ASB18: variants seen among roughly 807,000 people sequenced by gnomAD.
ASB18 encodes ankyrin repeat and SOCS box protein 18.
In ASB18, 33 loss-of-function variants were observed where a neutral mutation model predicts 33.4. The ratio of observed to expected loss-of-function variants is 0.99; its 90% CI spans 0.75 to 1.32. The LOEUF (loss-of-function observed/expected upper bound fraction) is 1.32, where lower values mean the gene tolerates loss of function less well. Ranked by LOEUF, ASB18 falls within the 40% of genes most tolerant of loss-of-function variation. The pLI is 0.00. For synonymous variants in ASB18, 295 were observed against 307.6 expected (o/e 0.96, Z 0.43); for missense variants, 694 against 655.5 (o/e 1.06, Z -0.64).
rs754603481 is a variant in ASB18, at chr2:236,251,560, G to A, written c.206-10158C>T. Among the ~76,000 whole-genome samples, 17 of 152,116 alleles carry A rather than the reference G, an allele frequency of 1.1e-4. No individual in the cohort carries two copies. The highest frequency in any genetic ancestry group is 1.9e-4 in the Non-Finnish European group (13 of 68,032). On this transcript the variant is annotated intron_variant, in intron 1 of 5. Transcript: ENST00000409749. This position sits in a 1 kb window ranked among gnomAD's most constrained non-coding sequence, Gnocchi z 5.3. ...GATCCTTTATATCCCTTCTAGAAAC[G>A]AGAAGTTTACCTATCCTGAAGTTGA...
At position 236,195,576 on chromosome 2, in the gene ASB18, C is replaced by T. The variant is rs1204433756; in HGVS notation, c.1216-519G>A. On this transcript the variant is annotated intron_variant, in intron 5 of 5. Transcript: ENST00000409749. The surrounding 1 kb of genome is among the most constrained non-coding windows in gnomAD (Gnocchi z 5.5). Reference sequence around the variant, plus strand: ...TGTCACCCAGGCTGGAGTGCAGTGGCGTGATCCCAGCTTATTGCACTCTCT... The same window carrying T: ...TGTCACCCAGGCTGGAGTGCAGTGGTGTGATCCCAGCTTATTGCACTCTCT... Among the ~76,000 whole-genome samples, 2 of 151,278 alleles carry T rather than the reference C, an allele frequency of 1.3e-5. No individual in the cohort carries two copies. The highest frequency in any genetic ancestry group is 2.4e-5 in the African/African-American group (1 of 41,102).
chr2:236,263,708 T>C lies in ASB18; in HGVS notation c.205+433A>G, dbSNP rs1253371028. Among the ~76,000 whole-genome samples, 1 of 152,172 alleles carries C rather than the reference T, an allele frequency of 6.6e-6. No individual in the cohort carries two copies. Among genetic ancestry groups the C allele is most frequent in the African/African-American group, 2.4e-5 (1 of 41,402 alleles). ...AAAAAGGTAACCAAATACTATCTTTTTGTAGGCATTTGGTTTAAGTATTTC... is the reference window on the plus strand; with the variant it reads ...AAAAAGGTAACCAAATACTATCTTTCTGTAGGCATTTGGTTTAAGTATTTC... On this transcript the variant is annotated intron_variant, in intron 1 of 5. Transcript: ENST00000409749. The surrounding 1 kb of genome is among the most constrained non-coding windows in gnomAD (Gnocchi z 4.0).
At chr2:236,233,027 A>G (rs1390684389) in intron 3 of ASB18, among the ~76,000 whole-genome samples, 1 of 152,086 alleles carries the variant, frequency 6.6e-6, no homozygotes, top group East Asian at 1.9e-4. Flanking sequence ...ATTAACATAG[A>G]TGCGGATACT....
At chr2:236,207,227 G>A (rs1422856606) in intron 4 of ASB18, among the ~76,000 whole-genome samples, 9 of 152,236 alleles carry the variant, frequency 5.9e-5, no homozygotes, top group East Asian at 3.9e-4. Context: ...GGCCCAGCAC[G>A]GATTTGATTC....
Position 236,196,500 on chromosome 2 carries a change from C to T in ASB18, c.1102-115G>A. ...CCTAGCTGTGTGACCTCCCTACGCC[C>T]AAGCCACACAGGGAACAGCAACAGA... On this transcript the variant is annotated intron_variant, in intron 4 of 5. Coordinates refer to ENST00000409749, the MANE Select transcript of ASB18 (RefSeq NM_212556.4). The surrounding 1 kb of genome is among the most constrained non-coding windows in gnomAD (Gnocchi z 5.6). 1 of 651,660 alleles carries T rather than the reference C, an allele frequency of 1.5e-6. No individual in the cohort carries two copies. Among genetic ancestry groups the T allele is most frequent in the Non-Finnish European group, 2.8e-6 (1 of 354,772 alleles). The allele number at this position is 651,660 out of a possible 1,614,324, so 40.4% of individuals were successfully genotyped here.
In ASB18 at chr2:236,234,011, A is replaced by T. The variant is rs552111712; in HGVS notation, c.596+3678T>A. On this transcript the variant is annotated intron_variant, in intron 3 of 5. Transcript: ENST00000409749. The surrounding 1 kb of genome is among the most constrained non-coding windows in gnomAD (Gnocchi z 4.1). ...ACTTCAAAATTTATTATAAAGTTAC[A>T]ATATTCAAGACAGTATGGTATTGGT... 7.9e-5 allele frequency among the ~76,000 whole-genome samples: 12 copies of T among 152,372 alleles called. No individual in the cohort carries two copies. The highest frequency in any genetic ancestry group is 2.9e-4 in the African/African-American group (12 of 41,592).
At position 236,237,982 on chromosome 2, in the gene ASB18, G is replaced by A. The variant is rs753732283; in HGVS notation, c.329-26C>T. The A allele has an allele frequency of 1.5e-4, 223 of 1,467,212 alleles. No individual in the cohort carries two copies. Among genetic ancestry groups the A allele is most frequent in the Admixed American group, 2.3e-4 (9 of 38,364 alleles). 90.9% of individuals were successfully genotyped at this position (1,467,212 alleles called of 1,614,324 possible). A position where few individuals can be genotyped will look rare whatever the true frequency, so the allele number is the denominator to read the frequency against. ...CTGCGGGGAGGGAGGTGGGATGTAA[G>A]GTCAGGGGGAGGTTAGTTGTGGTGG... On this transcript the variant is annotated intron_variant, in intron 2 of 5. Coordinates refer to ENST00000409749, the MANE Select transcript of ASB18 (RefSeq NM_212556.4). The surrounding 1 kb of genome is among the most constrained non-coding windows in gnomAD (Gnocchi z 6.2).
At position 236,193,531 on chromosome 2, in the gene ASB18, T is replaced by A. The variant is rs1338174197; in HGVS notation, c.*1341A>T. ...AACTGATTCGGCAGGGCATGGTGACTCATGCCTGTAATCCCAGCACTTTGG... is the reference window on the plus strand; with the variant it reads ...AACTGATTCGGCAGGGCATGGTGACACATGCCTGTAATCCCAGCACTTTGG... On this transcript the variant is annotated 3_prime_UTR_variant, in exon 6 of 6. Coordinates refer to ENST00000409749, the MANE Select transcript of ASB18 (RefSeq NM_212556.4). This position sits in a 1 kb window ranked among gnomAD's most constrained non-coding sequence, Gnocchi z 5.0. Among the ~76,000 whole-genome samples, 3 of 152,246 alleles carry A rather than the reference T, an allele frequency of 2.0e-5. No homozygotes were observed. The highest frequency in any genetic ancestry group is 6.5e-5 in the Admixed American group (1 of 15,286).
Position 236,262,885 on chromosome 2 carries a change from G to A in ASB18, c.205+1256C>T, listed in dbSNP as rs964091518. On this transcript the variant is annotated intron_variant, in intron 1 of 5. Coordinates refer to ENST00000409749, the MANE Select transcript of ASB18 (RefSeq NM_212556.4). The surrounding 1 kb of genome is among the most constrained non-coding windows in gnomAD (Gnocchi z 5.2). ...GCCCAGAAAGTAGACCCAAACCAAG[G>A]GGGGGGGGCGGACCCCCTCGGAAGT... 2.1e-5 allele frequency among the ~76,000 whole-genome samples: 1 copy of A among 47,916 alleles called. No individual in the cohort carries two copies. The highest frequency in any genetic ancestry group is 8.6e-4 in the South Asian group (1 of 1,164). The allele number at this position is 47,916 out of a possible 152,430, so 31.4% of individuals were successfully genotyped here. A position where few individuals can be genotyped will look rare whatever the true frequency, so the allele number is the denominator to read the frequency against.
rs2060478853 is a variant in ASB18 at position 236,214,814 on chromosome 2, T to A, written c.649A>T (p.Thr217Ser). Residue 217 changes from threonine (T) to serine (S), a missense_variant, in exon 4 of 6, where the codon ACG (threonine) becomes TCG (serine). Thr to Ser is a moderately conservative substitution (Grantham distance 58). Coordinates refer to ENST00000409749, the MANE Select transcript of ASB18 (RefSeq NM_212556.4). This position sits in a 1 kb window ranked among gnomAD's most constrained non-coding sequence, Gnocchi z 6.5. ...ACGTGCAGCGGCGTGTCCCGGCCCG[T>A]GCCGCCCACGCGCTGCACCGAGGCC... ...HGASVQRVGGTGRDTPLHVAA... is the reference protein window; with the variant it reads ...HGASVQRVGGSGRDTPLHVAA... 1 of 1,213,200 alleles carries A rather than the reference T, an allele frequency of 8.2e-7. No homozygotes were observed. The highest frequency in any genetic ancestry group is 1.6e-5 in the African/African-American group (1 of 63,196). The allele number at this position is 1,213,200 out of a possible 1,614,324, so 75.2% of individuals were successfully genotyped here. A position where few individuals can be genotyped will look rare whatever the true frequency, so the allele number is the denominator to read the frequency against.
At chr2:236,236,724 G>A (rs1324433019) in intron 3 of ASB18, among the ~76,000 whole-genome samples, 1 of 152,124 alleles carries the variant, frequency 6.6e-6, no homozygotes, top group Non-Finnish European at 1.5e-5. Flanking sequence ...CCCCTGCTGG[G>A]CAGGACATCC....
In ASB18 at chr2:236,241,074, G is replaced by A. The variant is rs181511190; in HGVS notation, c.328+206C>T. ...CATCGGATAGGCATTCCCACCAATCGCTGCTTTGCCTTTCCAACTGGATCT... is the reference window on the plus strand; with the variant it reads ...CATCGGATAGGCATTCCCACCAATCACTGCTTTGCCTTTCCAACTGGATCT... On this transcript the variant is annotated intron_variant, in intron 2 of 5. Coordinates refer to ENST00000409749, the MANE Select transcript of ASB18 (RefSeq NM_212556.4). The surrounding 1 kb of genome is among the most constrained non-coding windows in gnomAD (Gnocchi z 4.2). 2.0e-5 allele frequency among the ~76,000 whole-genome samples: 3 copies of A among 152,248 alleles called. No individual in the cohort carries two copies. The highest frequency in any genetic ancestry group is 6.5e-5 in the Admixed American group (1 of 15,296).
At chr2:236,243,849 TAG>T (rs1241336600) in intron 1 of ASB18, among the ~76,000 whole-genome samples, 2 of 152,150 alleles carry the variant, frequency 1.3e-5, no homozygotes, top group African/African-American at 2.4e-5. Context: ...TTTTTTGAGA[TAG>T]AGTCTTGCTC....
In ASB18 at chr2:236,194,182, C is replaced by T. The variant is rs1417296897; in HGVS notation, c.*690G>A. Among the ~76,000 whole-genome samples, 1 of 152,214 alleles carries T rather than the reference C, an allele frequency of 6.6e-6. No individual in the cohort carries two copies. Among genetic ancestry groups the T allele is most frequent in the African/African-American group, 2.4e-5 (1 of 41,452 alleles). ...AATGATGCGGTATGAGAGGGCCTAG[C>T]AAGCCTGCCACATTGGTGACTGTTC... On this transcript the variant is annotated 3_prime_UTR_variant, in exon 6 of 6. Coordinates refer to ENST00000409749, the MANE Select transcript of ASB18 (RefSeq NM_212556.4). The surrounding 1 kb of genome is among the most constrained non-coding windows in gnomAD (Gnocchi z 4.5).
intron 1 of ASB18, among the ~76,000 whole-genome samples, chr2:236,243,752 G>C (rs1237704995): frequency 6.6e-6 from 1 of 152,056 alleles, no homozygotes; most frequent in Admixed American, 6.5e-5. Flanking sequence ...CTAAGGTTTG[G>C]TTTGGTTCAG....
chr2:236,233,736 T>C (rs1345675020), intron 3 of ASB18, among the ~76,000 whole-genome samples: 1 of 152,166 alleles, frequency 6.6e-6, no homozygotes, highest in African/African-American at 2.4e-5. Context: ...CTAAAAACTA[T>C]CAAACACAGC....
intron 4 of ASB18, among the ~76,000 whole-genome samples, chr2:236,197,689 G>A (rs891107894): frequency 6.6e-6 from 1 of 152,182 alleles, no homozygotes; most frequent in Non-Finnish European, 1.5e-5. Context: ...GGGCGTGGTG[G>A]CACATGCCTG....
rs1009678213 is a variant in ASB18 at position 236,255,954 on chromosome 2, CAG to C, written c.205+8185_205+8186del. ...CATGCTCCTGTTTCGAGGGTCAAGT[CAG>C]AGGATTTCTACAGTGTTCTCCCTGT... On this transcript the variant is annotated intron_variant, in intron 1 of 5. Coordinates refer to ENST00000409749, the MANE Select transcript of ASB18 (RefSeq NM_212556.4). The surrounding 1 kb of genome is among the most constrained non-coding windows in gnomAD (Gnocchi z 4.4). Among the ~76,000 whole-genome samples, 1 of 152,164 alleles carries C rather than the reference CAG, an allele frequency of 6.6e-6. No homozygotes were observed. Among genetic ancestry groups the C allele is most frequent in the African/African-American group, 2.4e-5 (1 of 41,430 alleles).
Position 236,214,844 on chromosome 2 carries a change from G to A in ASB18, c.619C>T (p.His207Tyr). Residue 207 changes from histidine to tyrosine, a missense_variant, in exon 4 of 6, where the codon CAC becomes TAC. Transcript: ENST00000409749. The surrounding 1 kb of genome is among the most constrained non-coding windows in gnomAD (Gnocchi z 6.5). ...SLGCAQALLE[H>Y]GASVQRVGGT... is the part of the protein sequence containing the mutation. ...CCCACGCGCTGCACCGAGGCCCCGTGCTCCAGCAGCGCCTGCGCGCACCTG... is the reference window on the plus strand; with the variant it reads ...CCCACGCGCTGCACCGAGGCCCCGTACTCCAGCAGCGCCTGCGCGCACCTG... 1.6e-6 allele frequency: 2 copies of A among 1,212,652 alleles called. No homozygotes were observed. Among genetic ancestry groups the A allele is most frequent in the Non-Finnish European group, 2.1e-6 (2 of 975,284 alleles). 75.1% of individuals were successfully genotyped at this position (1,212,652 alleles called of 1,614,324 possible). A position where few individuals can be genotyped will look rare whatever the true frequency, so the allele number is the denominator to read the frequency against.
Sources: gnomAD v4.1 joint callset for allele counts (sites outside exome capture counted in the v4.1 genomes callset) on GRCh38, gnomAD v4.1.1 for gene constraint, Gnocchi (gnomAD v3.1) non-coding constraint, MANE v1.5 for transcripts, NCBI Gene and HGNC (gene_info 2026-07-23, HGNC 2026-07-21) for gene names.